Variants in EDN1 observed in about 807,000 individuals in gnomAD.
EDN1 encodes the protein endothelin 1, also known as endothelin-1.
Under a neutral mutation model 21.7 loss-of-function variants are expected in EDN1, and 11 were observed. The observed-to-expected ratio is 0.51, with a 90% confidence interval of 0.32 to 0.84. EDN1 has a LOEUF of 0.84. Ranked by LOEUF, EDN1 falls within the 40% of genes least tolerant of loss-of-function variation. EDN1 has a pLI of 0.03. For synonymous variants in EDN1, 85 were observed against 90.6 expected, an observed-to-expected ratio of 0.94 and a Z score of 0.35; for missense variants, 244 against 262.3, an observed-to-expected ratio of 0.93 and a Z score of 0.48.
chr6:12,292,962 T>C (rs1762723646), intron 2 of EDN1, among the ~76,000 whole-genome samples: 1 of 152,158 alleles, frequency 6.6e-6, no homozygotes, highest in African/African-American at 2.4e-5. Flanking sequence ...AAACCTAGGC[T>C]CAAAGTGTTG....
At chr6:12,295,914 G>C (rs772942482) in intron 4 of EDN1, 48 bp from the exon 5 acceptor site, 9 of 1,576,854 alleles carry the variant, frequency 5.7e-6, no homozygotes, top group Non-Finnish European at 6.9e-6. Flanking sequence ...TTGCCAAAGG[G>C]TGATTTTTTT....
At chr6:12,231,437 A>T in the EDN1 span, among the ~76,000 whole-genome samples, 1 of 152,212 alleles carries the variant, frequency 6.6e-6, no homozygotes, top group South Asian at 2.1e-4. Context: ...CATTCAAGAC[A>T]CGTTTTATTG....
At chr6:12,280,214 G>C in the EDN1 span, among the ~76,000 whole-genome samples, 2 of 152,208 alleles carry the variant, frequency 1.3e-5, no homozygotes, top group East Asian at 1.9e-4. Context: ...GTGGGAAATG[G>C]GTAAACAATA....
chr6:12,296,388 C>A lies in EDN1; in HGVS notation c.*321C>A. The stretch of plus-strand genomic sequence containing the variant: ...AGAGAGAGAGGAAGGAGATTCCACA[C>A]AGGGGTGGAGTTTCTGACGAAGGTC... On this transcript the variant is annotated 3_prime_UTR_variant, in exon 5 of 5. Coordinates refer to ENST00000379375, the MANE Select transcript of EDN1 (RefSeq NM_001955.5). The A allele has an allele frequency of 3.1e-6, 1 of 322,130 alleles. No homozygotes were observed. Among genetic ancestry groups the A allele is most frequent in the Non-Finnish European group, 6.1e-6 (1 of 164,312 alleles). 20.0% of individuals were successfully genotyped at this position (322,130 alleles called of 1,614,324 possible).
chr6:12,249,275 G>A, the EDN1 span, among the ~76,000 whole-genome samples: 9 of 152,104 alleles, frequency 5.9e-5, no homozygotes, highest in Admixed American at 1.3e-4. Flanking sequence ...AATAAAATAC[G>A]TGAGATTCAA....
the EDN1 span, among the ~76,000 whole-genome samples, chr6:12,270,852 C>T: frequency 6.6e-6 from 1 of 152,314 alleles, no homozygotes; most frequent in African/African-American, 2.4e-5. Context: ...GATGATCTGT[C>T]CATTGCTGAA....
chr6:12,239,443 G>A, the EDN1 span, among the ~76,000 whole-genome samples: 1 of 152,206 alleles, frequency 6.6e-6, no homozygotes, highest in South Asian at 2.1e-4. Context: ...ACTACACTTT[G>A]GTCAATGGAT....
chr6:12,274,942 CT>C, the EDN1 span, among the ~76,000 whole-genome samples: 1 of 133,202 alleles, frequency 7.5e-6, no homozygotes, highest in Non-Finnish European at 1.6e-5. Flanking sequence ...CTTCCTTCTC[CT>C]TCCTTCCTTC....
chr6:12,282,577 C>G, the EDN1 span, among the ~76,000 whole-genome samples: 1 of 152,164 alleles, frequency 6.6e-6, no homozygotes, highest in African/African-American at 2.4e-5. Flanking sequence ...ATCCTTTCTC[C>G]TCTTCCTCCT....
chr6:12,265,292 A>G, the EDN1 span, among the ~76,000 whole-genome samples: 2 of 152,226 alleles, frequency 1.3e-5, no homozygotes, highest in Non-Finnish European at 2.9e-5. Context: ...TCTACCTGCT[A>G]TGGGCTGAAC....
At chr6:12,282,160 C>G in the EDN1 span, among the ~76,000 whole-genome samples, 1 of 152,112 alleles carries the variant, frequency 6.6e-6, no homozygotes, top group Non-Finnish European at 1.5e-5. Context: ...CAAGTCATAA[C>G]AAAGTGGTAG....
At chr6:12,275,803 G>A in the EDN1 span, among the ~76,000 whole-genome samples, 27 of 70,532 alleles carry the variant, frequency 3.8e-4, no homozygotes, top group Middle Eastern at 6.0e-3. Flanking sequence ...TGGGGGCACC[G>A]TGTGTGTGTG....
chr6:12,242,947 G>A, the EDN1 span, among the ~76,000 whole-genome samples: 2 of 152,258 alleles, frequency 1.3e-5, no homozygotes, highest in East Asian at 1.9e-4. Context: ...TTATGCTAGA[G>A]TATTCATTTG....
At chr6:12,256,803 A>G in the EDN1 span, among the ~76,000 whole-genome samples, 3 of 152,242 alleles carry the variant, frequency 2.0e-5, no homozygotes, top group Non-Finnish European at 1.5e-5. Flanking sequence ...TTTGCATACT[A>G]GTACTCATTG....
At position 12,294,398 on chromosome 6, in the gene EDN1, A is replaced by C. The variant is rs1316232630; in HGVS notation, c.527A>C (p.Gln176Pro). ...AGAAGTTCAGAGGAACACCTAAGAC[A>C]AACCAGGTAAGAGGGAAGGAAGAAA... ...IRRSSEEHLRQTRSETMRNSV... is the reference protein window; with the variant it reads ...IRRSSEEHLRPTRSETMRNSV... Residue 176 changes from glutamine to proline, a missense_variant, in exon 4 of 5, where the codon CAA becomes CCA. Transcript: ENST00000379375. The C allele has an allele frequency of 6.2e-7, 1 of 1,614,152 alleles. No homozygotes were observed. The highest frequency in any genetic ancestry group is 1.7e-5 in the Admixed American group (1 of 60,024).
the EDN1 span, among the ~76,000 whole-genome samples, chr6:12,262,733 G>A: frequency 6.6e-6 from 1 of 151,952 alleles, no homozygotes; most frequent in Admixed American, 6.6e-5. Context: ...TTAGCCGGGC[G>A]TGGTTGTGGG....
chr6:12,235,603 TCTCACTCCGAA>T, the EDN1 span, among the ~76,000 whole-genome samples: 1 of 152,182 alleles, frequency 6.6e-6, no homozygotes, highest in African/African-American at 2.4e-5. Context: ...CTTCCTGTGC[TCTCACTCCGAA>T]TTTCTTACTT....
intron 2 of EDN1, 117 bp from the exon 3 acceptor site, chr6:12,293,824 G>C: frequency 8.7e-7 from 1 of 1,144,140 alleles, no homozygotes; most frequent in Non-Finnish European, 1.3e-6. Context: ...CTGAAATGAT[G>C]CTCCCAAGTG....
the EDN1 span, among the ~76,000 whole-genome samples, chr6:12,270,685 T>C: frequency 2.0e-5 from 3 of 152,226 alleles, no homozygotes; most frequent in Admixed American, 2.0e-4. Flanking sequence ...ACTTGGCTTG[T>C]GGCCTAACAT....
Sources: gnomAD v4.1 joint callset for allele counts (sites outside exome capture counted in the v4.1 genomes callset) on GRCh38, gnomAD v4.1.1 for gene constraint, MANE v1.5 for transcripts, NCBI Gene and HGNC (gene_info 2026-07-23, HGNC 2026-07-21) for gene names.